NBEA: variants seen among roughly 807,000 people sequenced by gnomAD.
NBEA encodes neurobeachin, also known as lysosomal-trafficking regulator 2.
A neutral mutation model predicts 343.4 loss-of-function variants in NBEA; 44 were observed. The observed-to-expected ratio is 0.13, with a 90% CI of 0.10 to 0.16. The LOEUF (loss-of-function observed/expected upper bound fraction) is 0.16, where lower values mean the gene tolerates loss of function less well. Among genes scored for constraint, NBEA ranks in the 10% least tolerant of loss-of-function variants. The pLI, the probability that NBEA is intolerant of heterozygous loss-of-function variation, is 1.00. For missense variants in NBEA, 2,555 were observed against 3,631.3 expected, an observed-to-expected ratio of 0.70 and a Z score of 7.62; for synonymous variants, 1,175 against 1,238.7, an observed-to-expected ratio of 0.95 and a Z score of 1.08.
intron 40 of NBEA, among the ~76,000 whole-genome samples, chr13:35,469,847 C>T (rs937918896): frequency 3.3e-5 from 5 of 152,142 alleles, no homozygotes; most frequent in Non-Finnish European, 7.4e-5. Context: ...GAAAGGGATC[C>T]GAGGTTTTCA....
chr13:35,308,522 G>GTA (rs1306462568), intron 35 of NBEA, among the ~76,000 whole-genome samples: 23 of 92,390 alleles, frequency 2.5e-4, no homozygotes, highest in African/African-American at 7.6e-4. Flanking sequence ...GTGTATATAT[G>GTA]TATATATATG....
chr13:35,274,373 A>G (rs2034422690), intron 34 of NBEA, among the ~76,000 whole-genome samples: 1 of 152,212 alleles, frequency 6.6e-6, no homozygotes. Flanking sequence ...TCAAAATAAT[A>G]AGAGCTATTT....
At position 35,596,100 on chromosome 13, in the gene NBEA, G is replaced by C. The variant is rs148774183; in HGVS notation, c.7296+2653G>C. On this transcript the variant is annotated intron_variant, in intron 47 of 58. Transcript: ENST00000379939. ...TTAATGTGTGTGTGCGTGTGCGTGT[G>C]TGTGCATGTGTGTGTGTATGTGTGT... is the stretch of plus-strand genomic sequence containing the variant. Among the ~76,000 whole-genome samples the C allele has an allele frequency of 1.4e-3, 216 of 152,008 alleles. 2 individuals carry two copies. The highest frequency in any genetic ancestry group is 5.1e-3 in the African/African-American group (212 of 41,480).
intron 39 of NBEA, 95 bp from the exon 40 acceptor site, chr13:35,451,997 C>A (rs2046336241): frequency 1.2e-6 from 1 of 848,184 alleles, no homozygotes; most frequent in Non-Finnish European, 1.8e-6. Context: ...GTAAATGCAG[C>A]ATATAATTTA....
At chr13:35,535,227 G>A (rs967467039) in intron 41 of NBEA, among the ~76,000 whole-genome samples, 2 of 152,108 alleles carry the variant, frequency 1.3e-5, no homozygotes, top group East Asian at 1.9e-4. Context: ...GAAAACTGGC[G>A]GCAGAAGCAA....
chr13:35,409,515 A>C (rs773599505), intron 38 of NBEA, among the ~76,000 whole-genome samples: 13 of 152,294 alleles, frequency 8.5e-5, no homozygotes, highest in Non-Finnish European at 1.2e-4. Context: ...CTACTGTGTA[A>C]CATTAACATG....
At chr13:35,225,247 A>G (rs2074587420) in intron 33 of NBEA, among the ~76,000 whole-genome samples, 1 of 151,958 alleles carries the variant, frequency 6.6e-6, no homozygotes, top group Admixed American at 6.6e-5. Context: ...TTTTTCAGTG[A>G]TTTTATGTAT....
chr13:35,287,522 T>C (rs983584500), intron 34 of NBEA, among the ~76,000 whole-genome samples: 4 of 152,084 alleles, frequency 2.6e-5, no homozygotes, highest in African/African-American at 9.7e-5. Flanking sequence ...TCTTATAGTC[T>C]ATTCATCCAT....
intron 11 of NBEA, among the ~76,000 whole-genome samples, chr13:35,102,111 A>G (rs573140044): frequency 6.6e-6 from 1 of 151,222 alleles, no homozygotes; most frequent in Non-Finnish European, 1.5e-5. Context: ...TAATCTATCT[A>G]GAATTGAATT....
chr13:35,080,505 T>A (rs1309596690), intron 10 of NBEA, among the ~76,000 whole-genome samples: 1 of 152,114 alleles, frequency 6.6e-6, no homozygotes, highest in Non-Finnish European at 1.5e-5. Flanking sequence ...TATCAGAAAG[T>A]CCAAGCTGAA....
In NBEA at chr13:35,152,694, A is replaced by G. The variant is rs117223146; in HGVS notation, c.2446-3080A>G. Reference sequence around the variant, plus strand: ...GTAAATAGCATGTAAAGTTACCTCCATGCTTATGATTCATTGTTGTTTCCC... The same window carrying G: ...GTAAATAGCATGTAAAGTTACCTCCGTGCTTATGATTCATTGTTGTTTCCC... On this transcript the variant is annotated intron_variant, in intron 18 of 58. Coordinates refer to ENST00000379939, the MANE Select transcript of NBEA (RefSeq NM_001385012.1). 4.8e-3 allele frequency among the ~76,000 whole-genome samples: 731 copies of G among 152,310 alleles called. 7 individuals carry two copies. The highest frequency in any genetic ancestry group is 0.02 in the Middle Eastern group (6 of 294).
At chr13:35,625,015 T>G (rs1044734136) in intron 48 of NBEA, among the ~76,000 whole-genome samples, 2 of 152,084 alleles carry the variant, frequency 1.3e-5, no homozygotes, top group Non-Finnish European at 2.9e-5. Flanking sequence ...AAAAACTCAC[T>G]CACTTTATAA....
chr13:34,974,679 A>T (rs1469727295), intron 1 of NBEA, among the ~76,000 whole-genome samples: 1 of 152,244 alleles, frequency 6.6e-6, no homozygotes, highest in Non-Finnish European at 1.5e-5. Context: ...ATAATATTTT[A>T]GGGATAGAAT....
At chr13:35,210,845 T>C (rs2073725391) in intron 32 of NBEA, among the ~76,000 whole-genome samples, 1 of 152,198 alleles carries the variant, frequency 6.6e-6, no homozygotes. Flanking sequence ...GTTAGATTAA[T>C]GTAAGTAAAT....
At chr13:35,471,908 G>T (rs1012383667) in intron 40 of NBEA, among the ~76,000 whole-genome samples, 2 of 152,136 alleles carry the variant, frequency 1.3e-5, no homozygotes, top group East Asian at 1.9e-4. Flanking sequence ...GAGGCAAACC[G>T]CTCTGAACAG....
intron 5 of NBEA, among the ~76,000 whole-genome samples, chr13:35,049,337 G>C (rs2062981406): frequency 6.6e-6 from 1 of 151,774 alleles, no homozygotes. Context: ...GCAATACTCT[G>C]TAATAAGACG....
At chr13:35,084,942 ATAC>A (rs2064655364) in intron 10 of NBEA, among the ~76,000 whole-genome samples, 1 of 152,220 alleles carries the variant, frequency 6.6e-6, no homozygotes, top group Non-Finnish European at 1.5e-5. Flanking sequence ...CCATCAGAGA[ATAC>A]TATAAACACC....
At chr13:35,502,715 G>A (rs923719455) in intron 41 of NBEA, among the ~76,000 whole-genome samples, 1 of 151,956 alleles carries the variant, frequency 6.6e-6, no homozygotes, top group African/African-American at 2.4e-5. Context: ...GGTAAACCCT[G>A]CAAATTCTCC....
intron 39 of NBEA, among the ~76,000 whole-genome samples, chr13:35,445,667 A>G (rs2045964943): frequency 6.6e-6 from 1 of 151,352 alleles, no homozygotes; most frequent in African/African-American, 2.4e-5. Flanking sequence ...CTCAACAAAC[A>G]TTTGTTACCA....
Sources: allele counts gnomAD v4.1 joint callset (sites outside exome capture counted in the v4.1 genomes callset), GRCh38; gene constraint gnomAD v4.1.1; transcripts MANE v1.5; gene names NCBI Gene and HGNC (gene_info 2026-07-23, HGNC 2026-07-21).